Variants in NOS1 observed in about 807,000 individuals in gnomAD.
NOS1 encodes NOS type I.
In NOS1, 51 loss-of-function variants were observed where a neutral mutation model predicts 164.5. The ratio of observed to expected loss-of-function variants is 0.31; its 90% CI spans 0.25 to 0.39. The LOEUF is 0.39. Ranked by LOEUF, NOS1 falls within the 10% of genes least tolerant of loss-of-function variation. The probability of loss-of-function intolerance (pLI) is 1.00; values close to 1 mark genes in which losing one functional copy is unlikely to be tolerated. For missense variants in NOS1, 1,362 were observed against 1,885.6 expected, an observed-to-expected ratio of 0.72 and a Z score of 5.14; for synonymous variants, 719 against 745.8, an observed-to-expected ratio of 0.96 and a Z score of 0.59.
At chr12:117,280,055 G>A (rs534975508) in intron 8 of NOS1, among the ~76,000 whole-genome samples, 3 of 152,246 alleles carry the variant, frequency 2.0e-5, no homozygotes, top group East Asian at 1.9e-4. Flanking sequence ...TTCTAGACAC[G>A]GGATGTGCTT....
At chr12:117,352,181 A>G (rs1876650986) in intron 1 of NOS1, among the ~76,000 whole-genome samples, 1 of 147,360 alleles carries the variant, frequency 6.8e-6, no homozygotes. Context: ...TCAGAAATAC[A>G]TACATACATA....
chr12:117,224,130 G>A (rs909094847), intron 25 of NOS1, among the ~76,000 whole-genome samples: 1 of 152,154 alleles, frequency 6.6e-6, no homozygotes. Flanking sequence ...TTTACTGACT[G>A]ATTGATTTGT....
At chr12:117,254,671 C>A (rs1314933241) in intron 16 of NOS1, among the ~76,000 whole-genome samples, 2 of 152,144 alleles carry the variant, frequency 1.3e-5, no homozygotes, top group African/African-American at 4.8e-5. Flanking sequence ...TGCAAACCTC[C>A]CTAGGTGATT....
intron 3 of NOS1, chr12:117,305,040 AC>A: frequency 2.0e-6 from 2 of 984,846 alleles, no homozygotes; most frequent in Non-Finnish European, 2.4e-6. Flanking sequence ...CCATTTCTCA[AC>A]CCCCACCTAT....
chr12:117,219,715 C>T (rs987036522), intron 27 of NOS1, among the ~76,000 whole-genome samples: 3 of 152,166 alleles, frequency 2.0e-5, no homozygotes, highest in South Asian at 2.1e-4. Context: ...CAGTTCTCCT[C>T]GGATCTCTTT....
intron 2 of NOS1, among the ~76,000 whole-genome samples, chr12:117,323,519 T>C (rs1875088744): frequency 6.6e-6 from 1 of 152,182 alleles, no homozygotes; most frequent in Non-Finnish European, 1.5e-5. Context: ...TGACCATACC[T>C]CTCTGAGCCC....
chr12:117,279,386 C>CCA (rs148739638), intron 8 of NOS1, among the ~76,000 whole-genome samples: 49,113 of 149,908 alleles, frequency 0.33, 8,155 homozygotes, highest in Middle Eastern at 0.4. Flanking sequence ...AAAAAAAAAC[C>CCA]AAAAAAAACA....
chr12:117,221,263 C>T (rs1288061759), intron 26 of NOS1, among the ~76,000 whole-genome samples: 1 of 151,744 alleles, frequency 6.6e-6, no homozygotes, highest in African/African-American at 2.4e-5. Context: ...AGCCTTCCTC[C>T]TGCCTCTCAG....
chr12:117,250,890 A>G (rs1336125365), intron 17 of NOS1, among the ~76,000 whole-genome samples: 1 of 152,184 alleles, frequency 6.6e-6, no homozygotes, highest in Non-Finnish European at 1.5e-5. Context: ...TGTCTGCCAT[A>G]TTCAATTACC....
chr12:117,215,504 C>A (rs1956593197), intron 28 of NOS1, among the ~76,000 whole-genome samples, 180 bp from the exon 29 acceptor site: 2 of 151,538 alleles, frequency 1.3e-5, no homozygotes, highest in Admixed American at 1.3e-4. Flanking sequence ...TGGCACGATC[C>A]CAGCTCACTG....
intron 28 of NOS1, among the ~76,000 whole-genome samples, chr12:117,217,229 G>A (rs896252939): frequency 6.6e-6 from 1 of 152,122 alleles, no homozygotes; most frequent in East Asian, 1.9e-4. Flanking sequence ...GAGAGAGCTG[G>A]TGGAAAGGAC....
At chr12:117,229,820 C>G (rs1317315886) in intron 22 of NOS1, among the ~76,000 whole-genome samples, 1 of 152,244 alleles carries the variant, frequency 6.6e-6, no homozygotes, top group South Asian at 2.1e-4. Context: ...AACGCCTGAC[C>G]TCAGGTGATC....
chr12:117,228,984 T>C (rs1009879297), intron 22 of NOS1, among the ~76,000 whole-genome samples: 2 of 152,146 alleles, frequency 1.3e-5, no homozygotes, highest in African/African-American at 4.8e-5. Flanking sequence ...GGTTTCACCG[T>C]GTTAGCCAGG....
chr12:117,242,844 G>T (rs1870296540), intron 19 of NOS1, 139 bp from the exon 20 acceptor site: 3 of 703,698 alleles, frequency 4.3e-6, no homozygotes, highest in Non-Finnish European at 7.6e-6. Flanking sequence ...TGAGGCCAGG[G>T]GTTCAAGACC....
rs995220774 is a variant in NOS1 at position 117,208,368 on chromosome 12, G to A, written c.*6941C>T. On this transcript the variant is annotated 3_prime_UTR_variant, in exon 29 of 29. Coordinates refer to ENST00000317775, the MANE Select transcript of NOS1 (RefSeq NM_000620.5). ...GCAGCATTGAGAGCTCAGAGGTAGG[G>A]GGGACGGCCGAGTTTCTGACAGCGT... 1 of 1,277,070 alleles carries A rather than the reference G, an allele frequency of 7.8e-7. No individual in the cohort carries two copies. The allele number at this position is 1,277,070 out of a possible 1,614,324, so 79.1% of individuals were successfully genotyped here.
At chr12:117,277,017 G>A (rs535705262) in intron 9 of NOS1, among the ~76,000 whole-genome samples, 1 of 152,182 alleles carries the variant, frequency 6.6e-6, no homozygotes, top group East Asian at 1.9e-4. Flanking sequence ...TGGGATTGCT[G>A]GATCATATGG....
In NOS1 at chr12:117,234,502, T is replaced by C; in HGVS notation, c.3235+63A>G. The C allele has an allele frequency of 6.5e-7, 1 of 1,531,890 alleles. No homozygotes were observed. Among genetic ancestry groups the C allele is most frequent in the Non-Finnish European group, 8.9e-7 (1 of 1,124,766 alleles). The allele number at this position is 1,531,890 out of a possible 1,614,324, so 94.9% of individuals were successfully genotyped here. The stretch of plus-strand genomic sequence containing the variant: ...GTGATTGGGAAGAAAAGGTATCTTC[T>C]TCCCGAGACACCCACTGCCTCTGCA... On this transcript the variant is annotated intron_variant, in intron 21 of 28. Coordinates refer to ENST00000317775, the MANE Select transcript of NOS1 (RefSeq NM_000620.5). The surrounding 1 kb of genome is among the most constrained non-coding windows in gnomAD (Gnocchi z 4.3).
chr12:117,298,401 C>T (rs1490548347), intron 3 of NOS1, among the ~76,000 whole-genome samples: 1 of 152,162 alleles, frequency 6.6e-6, no homozygotes, highest in East Asian at 1.9e-4. Flanking sequence ...CCGCTCACCT[C>T]CTGCTGTGCA....
At chr12:117,259,640 T>C (rs1411639080) in intron 14 of NOS1, among the ~76,000 whole-genome samples, 1 of 152,188 alleles carries the variant, frequency 6.6e-6, no homozygotes, top group Non-Finnish European at 1.5e-5. Context: ...TGTCTCATCA[T>C]CGTCTGAGCA....
Sources: gnomAD v4.1 joint callset for allele counts (sites outside exome capture counted in the v4.1 genomes callset) on GRCh38, gnomAD v4.1.1 for gene constraint, Gnocchi (gnomAD v3.1) non-coding constraint, MANE v1.5 for transcripts, NCBI Gene and HGNC (gene_info 2026-07-23, HGNC 2026-07-21) for gene names.